The following PLA2G4E variants were observed in gnomAD, a reference collection of about 807,000 sequenced individuals.
The protein encoded by PLA2G4E is phospholipase A2 group IVE.
A neutral mutation model predicts 109.1 loss-of-function variants in PLA2G4E; 84 were observed. That is an observed-to-expected ratio of 0.77 (90% CI 0.65 to 0.92). The LOEUF (loss-of-function observed/expected upper bound fraction) is 0.92, where lower values mean the gene tolerates loss of function less well. PLA2G4E is among the 40% of genes least tolerant of loss of function. The pLI is 0.00. For synonymous variants in PLA2G4E, 469 were observed against 436.1 expected, an observed-to-expected ratio of 1.08 and a Z score of -0.94; for missense variants, 1,057 against 1,076.6, an observed-to-expected ratio of 0.98 and a Z score of 0.25.
intron 6 of PLA2G4E, among the ~76,000 whole-genome samples, chr15:42,001,482 C>T (rs1439008484): frequency 1.3e-5 from 2 of 152,194 alleles, no homozygotes; most frequent in African/African-American, 4.8e-5. Context: ...GTCAGGTCCT[C>T]AGCTGCAGGT....
chr15:42,016,968 C>G (rs2068601190), intron 1 of PLA2G4E, among the ~76,000 whole-genome samples: 1 of 152,268 alleles, frequency 6.6e-6, no homozygotes, highest in African/African-American at 2.4e-5. Flanking sequence ...CTTTCTCACT[C>G]TGCCCGAGTG....
intron 1 of PLA2G4E, among the ~76,000 whole-genome samples, chr15:42,018,953 G>T (rs1184518154): frequency 6.6e-6 from 1 of 151,992 alleles, no homozygotes; most frequent in East Asian, 1.9e-4. Context: ...GCTCTGGCAG[G>T]CCCAGCTGGG....
intron 1 of PLA2G4E, among the ~76,000 whole-genome samples, chr15:42,049,854 G>A (rs143579876): frequency 5.9e-5 from 9 of 152,302 alleles, no homozygotes; most frequent in African/African-American, 1.7e-4. Flanking sequence ...AAGCTCACAC[G>A]CCCGCCCAGA....
intron 2 of PLA2G4E, among the ~76,000 whole-genome samples, chr15:42,011,719 G>A (rs985359615): frequency 2.0e-5 from 3 of 152,096 alleles, no homozygotes; most frequent in African/African-American, 7.2e-5. Flanking sequence ...AACAGAGTGA[G>A]ACTCTGTCTC....
In PLA2G4E at chr15:41,983,776, A is replaced by G. The variant is rs1205116064; in HGVS notation, c.2585T>C (p.Leu862Pro). Residue 862 changes from leucine (L) to proline (P), a missense_variant, in exon 20 of 20, where the codon CTG (leucine) becomes CCG (proline). Transcript: ENST00000399518. ...GGCCTAGGAGGGACACTGGCCCTTC[A>G]GGCGCTTCTTCTTCTCCACTGCGAG... The G allele has an allele frequency of 2.5e-6, 4 of 1,598,572 alleles. No homozygotes were observed. Among genetic ancestry groups the G allele is most frequent in the Admixed American group, 1.7e-5 (1 of 57,752 alleles).
At chr15:41,989,269 A>G (rs1276144777) in intron 15 of PLA2G4E, 146 bp downstream of exon 15, 10 of 1,157,004 alleles carry the variant, frequency 8.6e-6, no homozygotes, top group Non-Finnish European at 2.4e-6. Flanking sequence ...CCCCAGACCA[A>G]CTCTGGTCCC....
chr15:42,025,475 T>A (rs1242856252), intron 1 of PLA2G4E, among the ~76,000 whole-genome samples: 1 of 152,158 alleles, frequency 6.6e-6, no homozygotes, highest in Non-Finnish European at 1.5e-5. Context: ...TTCCTGTAGC[T>A]GCAGGCATAC....
chr15:41,985,808 C>G lies in PLA2G4E; in HGVS notation c.2202+31G>C, dbSNP rs574887699. 8.8e-6 allele frequency: 14 copies of G among 1,592,444 alleles called. No individual in the cohort carries two copies. In the South Asian group the frequency reaches 1.6e-4, roughly 18 times the overall value. The stretch of plus-strand genomic sequence containing the variant: ...GGGCCCATCTTAGGAGAGGCTGCAG[C>G]CCATGCTCAGGAGGGAGGCTGCGCA... On this transcript the variant is annotated intron_variant, in intron 18 of 19. Transcript: ENST00000399518.
chr15:41,988,245 CCCCACGCAAGCCA>C, intron 15 of PLA2G4E, 89 bp from the exon 16 acceptor site: 1 of 882,822 alleles, frequency 1.1e-6, no homozygotes, highest in Non-Finnish European at 1.7e-6. Context: ...CACCCCCCCA[CCCCACGCAAGCCA>C]GGCTGCTCCA....
intron 1 of PLA2G4E, 60 bp from the exon 2 acceptor site, chr15:42,013,817 G>T: frequency 7.0e-7 from 1 of 1,435,286 alleles, no homozygotes; most frequent in South Asian, 1.2e-5. Context: ...CCATTGCCCC[G>T]GGGGAGACTT....
chr15:42,006,358 G>T (rs1185344409), intron 3 of PLA2G4E: 5 of 408,940 alleles, frequency 1.2e-5, no homozygotes, highest in Non-Finnish European at 2.2e-5. Flanking sequence ...TCACTTTCCT[G>T]CTAGAGAATT....
In PLA2G4E at chr15:41,985,830, C is replaced by T. The variant is rs773215358; in HGVS notation, c.2202+9G>A. 50 of 1,605,860 alleles carry T rather than the reference C, an allele frequency of 3.1e-5. No homozygotes were observed. In the South Asian group the frequency reaches 3.4e-4, roughly 11 times the overall value. ...CAGCCCATGCTCAGGAGGGAGGCTGCGCACTTGCCTTTGTCTGGGACCCAG... is the reference window on the plus strand; with the variant it reads ...CAGCCCATGCTCAGGAGGGAGGCTGTGCACTTGCCTTTGTCTGGGACCCAG... On this transcript the variant is annotated intron_variant, in intron 18 of 19. Transcript: ENST00000399518.
chr15:42,031,363 C>T (rs1200367519), intron 1 of PLA2G4E, among the ~76,000 whole-genome samples: 1 of 152,198 alleles, frequency 6.6e-6, no homozygotes, highest in Non-Finnish European at 1.5e-5. Flanking sequence ...TTTCATTTCT[C>T]TTGGCTAAAT....
chr15:42,000,033 TGGGG>T, intron 8 of PLA2G4E, 33 bp from the exon 9 acceptor site: 1 of 1,588,384 alleles, frequency 6.3e-7, no homozygotes, highest in Non-Finnish European at 8.6e-7. Flanking sequence ...TGAGAGGGGC[TGGGG>T]AGCTCCTCTG....
chr15:42,037,331 C>T (rs1357220199), intron 1 of PLA2G4E, among the ~76,000 whole-genome samples: 1 of 152,252 alleles, frequency 6.6e-6, no homozygotes, highest in Non-Finnish European at 1.5e-5. Flanking sequence ...GCACTTCCTC[C>T]CCTCGAAGCC....
chr15:41,982,291 A>T (rs980016562), exon 20 of PLA2G4E: 1 of 152,094 alleles, frequency 6.6e-6, no homozygotes, highest in African/African-American at 2.4e-5. Context: ...CTCCGGTTAT[A>T]CATTTCCTTG....
At chr15:42,048,300 A>G (rs1257312806) in intron 1 of PLA2G4E, among the ~76,000 whole-genome samples, 1 of 152,232 alleles carries the variant, frequency 6.6e-6, no homozygotes, top group African/African-American at 2.4e-5. Flanking sequence ...TTGCAAAATG[A>G]TGAAATTGCC....
intron 1 of PLA2G4E, among the ~76,000 whole-genome samples, chr15:42,038,061 T>A (rs1889248982): frequency 6.6e-6 from 1 of 152,150 alleles, no homozygotes; most frequent in Non-Finnish European, 1.5e-5. Context: ...ACCCCAAAGA[T>A]CCCATAACAT....
intron 13 of PLA2G4E, 67 bp downstream of exon 13, chr15:41,992,670 C>T (rs1269993488): frequency 1.5e-6 from 2 of 1,339,538 alleles, no homozygotes; most frequent in African/African-American, 2.9e-5. Context: ...CCTGACTCCC[C>T]TGAGGAAGAA....
Sources: gnomAD v4.1 joint callset for allele counts (sites outside exome capture counted in the v4.1 genomes callset) on GRCh38, gnomAD v4.1.1 for gene constraint, MANE v1.5 for transcripts, NCBI Gene and HGNC (gene_info 2026-07-23, HGNC 2026-07-21) for gene names.